The following DPF3 variants were observed in gnomAD, a reference collection of about 807,000 sequenced individuals.
DPF3 encodes the protein double PHD fingers 3.
DPF3 carries 18 observed loss-of-function variants against 56.8 expected under a neutral mutation model. The ratio of observed to expected loss-of-function variants is 0.32; its 90% CI spans 0.22 to 0.47. DPF3 has a LOEUF of 0.47. DPF3 is among the 20% of genes least tolerant of loss of function. The pLI is 1.00. For missense variants in DPF3, 403 were observed against 488.8 expected, an observed-to-expected ratio of 0.82 and a Z score of 1.65; for synonymous variants, 188 against 180.2, an observed-to-expected ratio of 1.04 and a Z score of -0.35.
At chr14:72,780,682 A>G (rs1891934696) in intron 1 of DPF3, among the ~76,000 whole-genome samples, 1 of 152,200 alleles carries the variant, frequency 6.6e-6, no homozygotes, top group Admixed American at 6.5e-5. Context: ...ATCCTTAAAA[A>G]AAGGTCACTT....
chr14:72,751,906 T>C (rs75967218), intron 3 of DPF3, among the ~76,000 whole-genome samples: 1,632 of 152,298 alleles, frequency 0.011, 27 homozygotes, highest in African/African-American at 0.037. Context: ...GTCATCACCC[T>C]GGAGTATTTG....
chr14:72,777,054 C>T (rs1412257960), intron 1 of DPF3, among the ~76,000 whole-genome samples: 1 of 152,214 alleles, frequency 6.6e-6, no homozygotes, highest in African/African-American at 2.4e-5. Flanking sequence ...TGGCCCATCA[C>T]TACTATCTGT....
chr14:72,880,198 C>T (rs1886274562), intron 1 of DPF3, among the ~76,000 whole-genome samples: 1 of 152,206 alleles, frequency 6.6e-6, no homozygotes, highest in African/African-American at 2.4e-5. Context: ...GTGCCAGGCT[C>T]TGGGCTAGAC....
intron 1 of DPF3, among the ~76,000 whole-genome samples, chr14:72,832,252 T>A (rs1884091418): frequency 6.6e-6 from 1 of 152,056 alleles, no homozygotes; most frequent in Non-Finnish European, 1.5e-5. Flanking sequence ...TAAAAAATTT[T>A]GAGGGAGAAA....
intron 3 of DPF3, among the ~76,000 whole-genome samples, chr14:72,748,008 G>A (rs1318810540): frequency 6.6e-6 from 1 of 152,242 alleles, no homozygotes. Flanking sequence ...GGTACCAGTA[G>A]AGTGGGGCAT....
rs757350640 is a variant in DPF3, at chr14:72,830,443, G to A, written c.33-58550C>T. Among the ~76,000 whole-genome samples, 5 of 152,306 alleles carry A rather than the reference G, an allele frequency of 3.3e-5. 1 individual carries two copies. Among genetic ancestry groups the A allele is most frequent in the Middle Eastern group, 6.8e-3 (2 of 294 alleles). ...AGCTTTTGGGAACAAGAGACTCAGA[G>A]GTGAAGAATGTGGAATTTGAAATCA... is the stretch of plus-strand genomic sequence containing the variant. On this transcript the variant is annotated intron_variant, in intron 1 of 10. Transcript: ENST00000556509.
chr14:72,842,091 A>AG (rs35120253), intron 1 of DPF3, among the ~76,000 whole-genome samples: 1 of 67,228 alleles, frequency 1.5e-5, no homozygotes, highest in Non-Finnish European at 3.2e-5. Flanking sequence ...TGTCTCTAAG[A>AG]AAAAAAAAAA....
intron 7 of DPF3, among the ~76,000 whole-genome samples, chr14:72,691,727 G>GA (rs897407839): frequency 5.8e-4 from 79 of 137,326 alleles, no homozygotes; most frequent in East Asian, 1.2e-3. Context: ...CTCCGTCTCA[G>GA]AAAAAAAAAA....
chr14:72,728,276 C>T (rs1265705591), intron 4 of DPF3, among the ~76,000 whole-genome samples: 2 of 152,098 alleles, frequency 1.3e-5, no homozygotes, highest in Non-Finnish European at 2.9e-5. Flanking sequence ...AAGAAGAGAT[C>T]CCTCTGGCTG....
chr14:72,858,694 G>C (rs907272353), intron 1 of DPF3, among the ~76,000 whole-genome samples: 1 of 152,174 alleles, frequency 6.6e-6, no homozygotes, highest in African/African-American at 2.4e-5. Context: ...TGTCCCTTCA[G>C]GTCTAAAATA....
At chr14:72,723,844 G>A (rs528312776) in intron 4 of DPF3, 116 bp from the exon 5 acceptor site, 19 of 1,038,666 alleles carry the variant, frequency 1.8e-5, no homozygotes, top group African/African-American at 1.7e-4. Context: ...AAGTGAAGAC[G>A]CTGCCTTTGC....
intron 1 of DPF3, among the ~76,000 whole-genome samples, chr14:72,873,907 A>C (rs1293007680): frequency 6.2e-5 from 9 of 146,318 alleles, no homozygotes; most frequent in African/African-American, 1.3e-4. Context: ...GGAACATCAC[A>C]CACCGGGGCC....
chr14:72,793,337 C>T (rs1227313768), intron 1 of DPF3, among the ~76,000 whole-genome samples: 2 of 152,218 alleles, frequency 1.3e-5, no homozygotes, highest in African/African-American at 4.8e-5. Flanking sequence ...AGGGGAGAGA[C>T]AGCTGAGGTC....
chr14:72,648,589 A>G (rs981790881), intron 8 of DPF3, among the ~76,000 whole-genome samples: 15 of 148,992 alleles, frequency 1.0e-4, no homozygotes, highest in Non-Finnish European at 8.9e-5. Flanking sequence ...AAAAAAAAAG[A>G]ATAAAACGAT....
chr14:72,769,297 G>A (rs750514949), intron 2 of DPF3, among the ~76,000 whole-genome samples: 2 of 152,258 alleles, frequency 1.3e-5, no homozygotes, highest in South Asian at 2.1e-4. Flanking sequence ...CAGTCCTGGA[G>A]AGGAGGAAGT....
chr14:72,835,412 GA>G (rs2140058832), intron 1 of DPF3, among the ~76,000 whole-genome samples: 1 of 152,354 alleles, frequency 6.6e-6, no homozygotes, highest in African/African-American at 2.4e-5. Context: ...ATCAGATGTG[GA>G]TGATGGCGGA....
Position 72,729,524 on chromosome 14 carries a change from A to C in DPF3, c.429+2283T>G, listed in dbSNP as rs371846853. On this transcript the variant is annotated intron_variant, in intron 4 of 10. Coordinates refer to ENST00000556509, the MANE Select transcript of DPF3 (RefSeq NM_001280542.3). Reference sequence around the variant, plus strand: ...GCGGGTTCTGAGCACAGAAATGATAAGAATAGACTTAAATTTTAAAAAGCT... The same window carrying C: ...GCGGGTTCTGAGCACAGAAATGATACGAATAGACTTAAATTTTAAAAAGCT... Among the ~76,000 whole-genome samples, 23 of 152,312 alleles carry C rather than the reference A, an allele frequency of 1.5e-4. No individual in the cohort carries two copies. The East Asian group carries it at 3.9e-3, about 26-fold the overall frequency.
At chr14:72,716,303 C>T (rs1888926131) in intron 5 of DPF3, among the ~76,000 whole-genome samples, 1 of 152,114 alleles carries the variant, frequency 6.6e-6, no homozygotes, top group Non-Finnish European at 1.5e-5. Flanking sequence ...GCCACACTCG[C>T]TTTGCCTCAG....
chr14:72,725,134 C>CT (rs1889347677), intron 4 of DPF3, among the ~76,000 whole-genome samples: 1 of 152,148 alleles, frequency 6.6e-6, no homozygotes, highest in Non-Finnish European at 1.5e-5. Context: ...AAACATTTAT[C>CT]TAGTGCTGAC....
Sources: gnomAD v4.1 joint callset for allele counts (sites outside exome capture counted in the v4.1 genomes callset) on GRCh38, gnomAD v4.1.1 for gene constraint, MANE v1.5 for transcripts, NCBI Gene and HGNC (gene_info 2026-07-23, HGNC 2026-07-21) for gene names.